ARHGAP35: variants seen among roughly 807,000 people sequenced by gnomAD.
ARHGAP35 encodes Rho GTPase activating protein 35.
ARHGAP35 carries 15 observed loss-of-function variants against 111.1 expected under a neutral mutation model. The observed-to-expected ratio is 0.13, with a 90% CI of 0.09 to 0.21. The LOEUF (loss-of-function observed/expected upper bound fraction) is 0.21. Among genes scored for constraint, ARHGAP35 ranks in the 10% least tolerant of loss-of-function variants. ARHGAP35 has a pLI of 1.00. For missense variants in ARHGAP35, 1,262 were observed against 1,873.0 expected (o/e 0.67, Z 6.02); for synonymous variants, 643 against 710.3 (o/e 0.91, Z 1.51).
At chr19:46,946,861 A>T (rs1344783739) in intron 3 of ARHGAP35, 4 of 152,226 alleles carry the variant, frequency 2.6e-5, no homozygotes, top group African/African-American at 7.2e-5. Context: ...GATTGCAGGC[A>T]TGAGCTCCTA....
At chr19:46,909,750 C>T (rs1329323415) in intron 1 of ARHGAP35, among the ~76,000 whole-genome samples, 5 of 152,108 alleles carry the variant, frequency 3.3e-5, no homozygotes, top group Admixed American at 3.3e-4. Flanking sequence ...TTTTGCATAC[C>T]ATCCCCACAA....
intron 3 of ARHGAP35, among the ~76,000 whole-genome samples, chr19:46,952,550 T>C (rs2122249102): frequency 6.6e-6 from 1 of 152,304 alleles, no homozygotes; most frequent in Middle Eastern, 3.4e-3. Context: ...CAAACAAAAA[T>C]CCCAGCTCTG....
chr19:46,979,164 T>C (rs2056606426), intron 3 of ARHGAP35, among the ~76,000 whole-genome samples: 1 of 151,928 alleles, frequency 6.6e-6, no homozygotes, highest in Non-Finnish European at 1.5e-5. Flanking sequence ...GTTTCTTTGT[T>C]GGTGGATCTT....
At chr19:46,959,831 C>T (rs1485905324) in intron 3 of ARHGAP35, among the ~76,000 whole-genome samples, 1 of 152,022 alleles carries the variant, frequency 6.6e-6, no homozygotes, top group African/African-American at 2.4e-5. Context: ...TGTGGTGGCT[C>T]CAGCCTGTAA....
rs373836467 is a variant in ARHGAP35, at chr19:46,921,334, G to A, written c.2659G>A (p.Ala887Thr). ...VQDIIPIQLV[A>T]LTDGAVDVLD... Reference sequence around the variant, plus strand: ...GGATATTATCCCTATTCAGCTTGTAGCACTCACTGATGGCGCTGTAGATGT... The same window carrying A: ...GGATATTATCCCTATTCAGCTTGTAACACTCACTGATGGCGCTGTAGATGT... Residue 887 changes from alanine to threonine, a missense_variant, in exon 2 of 7, where the codon GCA becomes ACA. Transcript: ENST00000672722. This position sits in a 1 kb window ranked among gnomAD's most constrained non-coding sequence, Gnocchi z 4.3. The A allele has an allele frequency of 5.6e-6, 9 of 1,613,802 alleles. No homozygotes were observed. In the African/African-American group the frequency reaches 1.2e-4, roughly 22 times the overall value.
intron 1 of ARHGAP35, among the ~76,000 whole-genome samples, chr19:46,892,420 A>G (rs113887878): frequency 3.0e-3 from 452 of 149,186 alleles, no homozygotes; most frequent in African/African-American, 0.011. Context: ...GTAGTGAGCC[A>G]TGATCACGCC....
At chr19:46,875,900 AGT>A (rs937880133) in intron 1 of ARHGAP35, among the ~76,000 whole-genome samples, 1 of 152,120 alleles carries the variant, frequency 6.6e-6, no homozygotes, top group Admixed American at 6.6e-5. Flanking sequence ...CTTATCAGAA[AGT>A]GTCTCATACA....
At chr19:46,957,474 A>G (rs926952085) in intron 3 of ARHGAP35, among the ~76,000 whole-genome samples, 1 of 151,910 alleles carries the variant, frequency 6.6e-6, no homozygotes, top group Non-Finnish European at 1.5e-5. Flanking sequence ...TTTGCCAGGC[A>G]TGGTAGTATG....
At chr19:46,941,183 G>A (rs1409244087) in intron 3 of ARHGAP35, among the ~76,000 whole-genome samples, 1 of 152,104 alleles carries the variant, frequency 6.6e-6, no homozygotes, top group Non-Finnish European at 1.5e-5. Flanking sequence ...GAATTTCTTA[G>A]TATTTCTTTG....
chr19:46,979,477 G>A (rs1478986259), intron 3 of ARHGAP35, among the ~76,000 whole-genome samples: 1 of 152,220 alleles, frequency 6.6e-6, no homozygotes, highest in African/African-American at 2.4e-5. Flanking sequence ...AAGCCCAGCT[G>A]TTGGGATATG....
chr19:46,995,755 C>T (rs555029260), intron 5 of ARHGAP35, among the ~76,000 whole-genome samples: 1 of 152,262 alleles, frequency 6.6e-6, no homozygotes, highest in Non-Finnish European at 1.5e-5. Flanking sequence ...GTGCCTTTGC[C>T]ATGTGAAGAG....
rs2056745737 is a variant in ARHGAP35, at chr19:47,001,038, A to G, written c.*350A>G. The G allele has an allele frequency of 7.1e-7, 1 of 1,404,170 alleles. No homozygotes were observed. Among genetic ancestry groups the G allele is most frequent in the Non-Finnish European group, 9.4e-7 (1 of 1,063,110 alleles). The allele number at this position is 1,404,170 out of a possible 1,614,324, so 87.0% of individuals were successfully genotyped here. A position where few individuals can be genotyped will look rare whatever the true frequency, so the allele number is the denominator to read the frequency against. On this transcript the variant is annotated 3_prime_UTR_variant, in exon 7 of 7. Coordinates refer to ENST00000672722, the MANE Select transcript of ARHGAP35 (RefSeq NM_004491.5). This position sits in a 1 kb window ranked among gnomAD's most constrained non-coding sequence, Gnocchi z 5.4. ...CTTGTACAGAGCCCATGGTCGGGAC[A>G]GTGCCCTGGCCTTTGCCGGGGAGGA... is the stretch of plus-strand genomic sequence containing the variant.
At chr19:46,924,699 T>G (rs1387983562) in intron 2 of ARHGAP35, among the ~76,000 whole-genome samples, 1 of 152,228 alleles carries the variant, frequency 6.6e-6, no homozygotes, top group East Asian at 1.9e-4. Flanking sequence ...CCAAACATTT[T>G]GAACATTTCT....
At chr19:46,867,951 C>T (rs2055867499) in intron 1 of ARHGAP35, among the ~76,000 whole-genome samples, 1 of 152,194 alleles carries the variant, frequency 6.6e-6, no homozygotes, top group South Asian at 2.1e-4. Flanking sequence ...ACTACAAAGT[C>T]CGCCTCCTGG....
At chr19:46,982,695 T>C (rs564156549) in intron 3 of ARHGAP35, among the ~76,000 whole-genome samples, 1 of 152,154 alleles carries the variant, frequency 6.6e-6, no homozygotes, top group South Asian at 2.1e-4. Context: ...ATGGCAGTTC[T>C]CCAAGTGTGG....
At chr19:46,891,458 C>T (rs1279740746) in intron 1 of ARHGAP35, among the ~76,000 whole-genome samples, 1 of 148,324 alleles carries the variant, frequency 6.7e-6, no homozygotes, top group African/African-American at 2.5e-5. Context: ...GATGGAGTCT[C>T]GCTCTGTAAC....
intron 5 of ARHGAP35, among the ~76,000 whole-genome samples, chr19:46,997,308 T>C (rs922766155): frequency 6.6e-6 from 1 of 152,164 alleles, no homozygotes; most frequent in Non-Finnish European, 1.5e-5. Flanking sequence ...ACTGCTCTTA[T>C]CAAGTCACAC....
At chr19:46,958,202 T>G (rs2122262625) in intron 3 of ARHGAP35, among the ~76,000 whole-genome samples, 1 of 152,134 alleles carries the variant, frequency 6.6e-6, no homozygotes. Flanking sequence ...GCTTACACGG[T>G]GAAACCCCGT....
chr19:46,905,316 G>A (rs986518550), intron 1 of ARHGAP35, among the ~76,000 whole-genome samples: 6 of 151,976 alleles, frequency 3.9e-5, no homozygotes, highest in African/African-American at 1.2e-4. Context: ...TCAGGAGATC[G>A]AGGCCAGCCT....
Sources: gnomAD v4.1 joint callset for allele counts (sites outside exome capture counted in the v4.1 genomes callset) on GRCh38, gnomAD v4.1.1 for gene constraint, Gnocchi (gnomAD v3.1) non-coding constraint, MANE v1.5 for transcripts, NCBI Gene and HGNC (gene_info 2026-07-23, HGNC 2026-07-21) for gene names.